The following GPC5 variants were observed in gnomAD, a reference collection of about 807,000 sequenced individuals.
GPC5 encodes glypican 5.
GPC5 carries 47 observed loss-of-function variants against 53.9 expected under a neutral mutation model. The observed-to-expected ratio is 0.87, with a 90% CI of 0.69 to 1.11. The LOEUF (loss-of-function observed/expected upper bound fraction) is 1.11, where lower values mean the gene tolerates loss of function less well. Ranked by LOEUF, GPC5 falls within the 50% of genes most tolerant of loss-of-function variation. GPC5 has a pLI of 0.00. For synonymous variants in GPC5, 286 were observed against 263.3 expected, an observed-to-expected ratio of 1.09 and a Z score of -0.84; for missense variants, 748 against 713.1, an observed-to-expected ratio of 1.05 and a Z score of -0.56.
chr13:91,874,291 A>T (rs1167114859), intron 5 of GPC5, among the ~76,000 whole-genome samples: 1 of 152,094 alleles, frequency 6.6e-6, no homozygotes, highest in Admixed American at 6.6e-5. Flanking sequence ...TTTTCAAGGC[A>T]TATGCATGGC....
intron 6 of GPC5, among the ~76,000 whole-genome samples, chr13:92,105,762 A>AT (rs1290064359): frequency 1.3e-5 from 2 of 152,014 alleles, no homozygotes; most frequent in East Asian, 3.8e-4. Flanking sequence ...TTACAAATAC[A>AT]TTTTTTGTGC....
At chr13:92,847,248 C>A (rs1026682262) in intron 7 of GPC5, among the ~76,000 whole-genome samples, 5 of 152,132 alleles carry the variant, frequency 3.3e-5, no homozygotes, top group Admixed American at 2.0e-4. Flanking sequence ...AGGTTCTATA[C>A]TCTTCTAAAA....
intron 2 of GPC5, chr13:91,486,164 T>C (rs1883597309): frequency 6.6e-6 from 1 of 152,254 alleles, no homozygotes; most frequent in South Asian, 2.1e-4. Flanking sequence ...TTTGTATAGT[T>C]ACCTGGGTAA....
rs1016858944 is a variant in GPC5, at chr13:92,500,112, G to A, written c.1561+355123G>A. Among the ~76,000 whole-genome samples the A allele has an allele frequency of 4.6e-5, 7 of 152,314 alleles. No individual in the cohort carries two copies. The East Asian group carries it at 9.6e-4, about 21-fold the overall frequency. On this transcript the variant is annotated intron_variant, in intron 7 of 7. Coordinates refer to ENST00000377067, the MANE Select transcript of GPC5 (RefSeq NM_004466.6). The stretch of plus-strand genomic sequence containing the variant: ...GCCTGAAAGATGGAAGCAGGCATCA[G>A]CATGGACATAAGGAACACCAGGAGA...
chr13:92,308,064 G>A (rs978234994), intron 7 of GPC5, among the ~76,000 whole-genome samples: 2 of 152,266 alleles, frequency 1.3e-5, no homozygotes, highest in African/African-American at 4.8e-5. Flanking sequence ...TAATCATTAT[G>A]TGTTCCAAGA....
rs536617147 is a variant in GPC5 at position 92,840,245 on chromosome 13, C to T, written c.1562-26037C>T. Reference sequence around the variant, plus strand: ...TTCCTTTTTAAGGTTAAATAATATTCCATTGTATGTATATGTCACATTTGC... The same window carrying T: ...TTCCTTTTTAAGGTTAAATAATATTTCATTGTATGTATATGTCACATTTGC... On this transcript the variant is annotated intron_variant, in intron 7 of 7. Transcript: ENST00000377067. Among the ~76,000 whole-genome samples, 6 of 151,474 alleles carry T rather than the reference C, an allele frequency of 4.0e-5. No homozygotes were observed. The South Asian group carries it at 1.0e-3, about 26-fold the overall frequency.
intron 7 of GPC5, among the ~76,000 whole-genome samples, chr13:92,792,383 C>T (rs1042377485): frequency 6.6e-6 from 1 of 152,078 alleles, no homozygotes; most frequent in African/African-American, 2.4e-5. Context: ...ACCAGGCCTG[C>T]CTTACAAGAG....
chr13:92,778,744 A>G (rs144173197), intron 7 of GPC5, among the ~76,000 whole-genome samples: 299 of 152,300 alleles, frequency 2.0e-3, no homozygotes, highest in African/African-American at 7.0e-3. Flanking sequence ...TATTAACATC[A>G]TTAGACTTAG....
At chr13:92,848,608 T>C (rs1878686314) in intron 7 of GPC5, among the ~76,000 whole-genome samples, 1 of 152,092 alleles carries the variant, frequency 6.6e-6, no homozygotes, top group Non-Finnish European at 1.5e-5. Context: ...CAAAAATATA[T>C]AGACATATAG....
chr13:91,919,849 A>G (rs142228129), intron 6 of GPC5, among the ~76,000 whole-genome samples: 188 of 152,286 alleles, frequency 1.2e-3, no homozygotes, highest in African/African-American at 4.4e-3. Flanking sequence ...CGGCCTGCCT[A>G]TTTTCGGAAT....
chr13:91,603,985 G>T (rs1470292374), intron 2 of GPC5, among the ~76,000 whole-genome samples: 1 of 147,220 alleles, frequency 6.8e-6, no homozygotes, highest in African/African-American at 2.5e-5. Flanking sequence ...AAGTTTTAGG[G>T]TACATGTGCA....
At chr13:91,660,768 A>T (rs2034969709) in intron 2 of GPC5, among the ~76,000 whole-genome samples, 1 of 152,200 alleles carries the variant, frequency 6.6e-6, no homozygotes, top group South Asian at 2.1e-4. Context: ...TTTCTATCTC[A>T]GAAATACAAA....
chr13:91,992,886 G>A (rs1386737356), intron 6 of GPC5, among the ~76,000 whole-genome samples: 1 of 152,068 alleles, frequency 6.6e-6, no homozygotes, highest in Non-Finnish European at 1.5e-5. Flanking sequence ...GTAGTTCTAG[G>A]GAACTGTTTC....
intron 2 of GPC5, among the ~76,000 whole-genome samples, chr13:91,623,955 T>C (rs2033932826): frequency 6.6e-6 from 1 of 152,074 alleles, no homozygotes; most frequent in South Asian, 2.1e-4. Flanking sequence ...AATTGAGAAA[T>C]ATTTAATTAC....
chr13:92,629,869 T>C (rs1434129390), intron 7 of GPC5, among the ~76,000 whole-genome samples: 1 of 152,208 alleles, frequency 6.6e-6, no homozygotes, highest in Non-Finnish European at 1.5e-5. Context: ...GCGATTTTTC[T>C]GTAATTCTGT....
intron 5 of GPC5, among the ~76,000 whole-genome samples, chr13:91,861,393 TA>T (rs1374679494): frequency 2.6e-5 from 4 of 152,130 alleles, no homozygotes; most frequent in Non-Finnish European, 4.4e-5. Context: ...GAGGCTTTAT[TA>T]TTAAGTCAGT....
chr13:91,950,358 C>G (rs1224447122), intron 6 of GPC5, among the ~76,000 whole-genome samples: 1 of 148,194 alleles, frequency 6.7e-6, no homozygotes, highest in Non-Finnish European at 1.5e-5. Flanking sequence ...CCTCCTCCTC[C>G]CTCCCAGCCC....
chr13:92,205,201 GTTTA>G (rs1477310900), intron 7 of GPC5, among the ~76,000 whole-genome samples: 1 of 151,530 alleles, frequency 6.6e-6, no homozygotes, highest in African/African-American at 2.4e-5. Flanking sequence ...TTGTTTGTTT[GTTTA>G]TTTGTTTGTT....
chr13:92,521,053 G>A lies in GPC5; in HGVS notation c.1562-345229G>A, dbSNP rs926765693. 2.0e-5 allele frequency among the ~76,000 whole-genome samples: 3 copies of A among 152,178 alleles called. 1 individual carries two copies. Among genetic ancestry groups the A allele is most frequent in the Non-Finnish European group, 4.4e-5 (3 of 68,028 alleles). On this transcript the variant is annotated intron_variant, in intron 7 of 7. Transcript: ENST00000377067. The stretch of plus-strand genomic sequence containing the variant: ...TGATTCAAAGAGAATAAAATACTTA[G>A]GAATCCAACTTACAAGGGATGTGAA...
Sources: allele counts gnomAD v4.1 joint callset (sites outside exome capture counted in the v4.1 genomes callset), GRCh38; gene constraint gnomAD v4.1.1; transcripts MANE v1.5; gene names NCBI Gene and HGNC (gene_info 2026-07-23, HGNC 2026-07-21).